The following SPRR2F variants were observed in gnomAD, a reference collection of about 807,000 sequenced individuals.
SPRR2F encodes the protein small proline-rich protein 2F.
In SPRR2F, 2 loss-of-function variants were observed where a neutral mutation model predicts 0.8. The ratio of observed to expected loss-of-function variants is 2.52; its 90% CI spans 1.03 to 7.95. The LOEUF (loss-of-function observed/expected upper bound fraction) is 7.95. Among genes scored for constraint, SPRR2F ranks in the 30% most tolerant of loss-of-function variants. SPRR2F has a pLI of 0.04. For synonymous variants in SPRR2F, 39 were observed against 33.4 expected (o/e 1.17, Z -0.58); for missense variants, 80 against 85.8 (o/e 0.93, Z 0.27).
chr1:153,112,428 C>A lies in SPRR2F; in HGVS notation c.*87G>T, dbSNP rs1655610751. On this transcript the variant is annotated 3_prime_UTR_variant, in exon 2 of 2. Transcript: ENST00000468739. ...AAGCTCCCTGTGTATCCCTGGATGGCTTTGATGAGAAGATGCAGGTGGAGC... is the reference window on the plus strand; with the variant it reads ...AAGCTCCCTGTGTATCCCTGGATGGATTTGATGAGAAGATGCAGGTGGAGC... 1 of 1,544,664 alleles carries A rather than the reference C, an allele frequency of 6.5e-7. No individual in the cohort carries two copies. Among genetic ancestry groups the A allele is most frequent in the East Asian group, 2.3e-5 (1 of 44,304 alleles).
At chr1:153,115,536 C>T (rs894098273), upstream of SPRR2F, among the ~76,000 whole-genome samples, 1 of 152,140 alleles carries the variant, frequency 6.6e-6, no homozygotes, top group Non-Finnish European at 1.5e-5. Flanking sequence ...CAGACAGGCT[C>T]ACTTTACAAG....
chr1:153,116,204 T>C (rs995335449), upstream of SPRR2F, among the ~76,000 whole-genome samples: 4 of 152,224 alleles, frequency 2.6e-5, no homozygotes, highest in African/African-American at 9.6e-5. Flanking sequence ...GACATTAATG[T>C]TGCAGAATTC....
chr1:153,112,647 G>A lies in SPRR2F; in HGVS notation c.87C>T (p.Pro29=), dbSNP rs1244674416. 6.2e-7 allele frequency: 1 copy of A among 1,612,396 alleles called. No individual in the cohort carries two copies. The highest frequency in any genetic ancestry group is 8.5e-7 in the Non-Finnish European group (1 of 1,179,830). ...GTGGGCAGGGCTCAGGGCACTTCGGGGGTGGACATGGCTCTGGGCACTTTG... is the reference window on the plus strand; with the variant it reads ...GTGGGCAGGGCTCAGGGCACTTCGGAGGTGGACATGGCTCTGGGCACTTTG... ...PAPKCPEPCP[P]PKCPEPCPPS... Residue 29 remains proline, a synonymous_variant, in exon 2 of 2, where the codon CCC becomes CCT. Transcript: ENST00000468739.
At chr1:153,113,707 G>C (rs959635655), upstream of SPRR2F, among the ~76,000 whole-genome samples, 1 of 152,148 alleles carries the variant, frequency 6.6e-6, no homozygotes, top group Non-Finnish European at 1.5e-5. Flanking sequence ...AAGTGCTCCT[G>C]ACTCACAGAG....
the SPRR2F span, among the ~76,000 whole-genome samples, chr1:153,119,327 C>T: frequency 6.6e-6 from 1 of 152,206 alleles, no homozygotes; most frequent in Non-Finnish European, 1.5e-5. Context: ...AAAGATCCAA[C>T]TCTATGCTAT....
At chr1:153,113,181 A>G (rs1655641392) in intron 1 of SPRR2F, among the ~76,000 whole-genome samples, 1 of 152,192 alleles carries the variant, frequency 6.6e-6, no homozygotes. Flanking sequence ...TACGACATAA[A>G]CCTTTGAAAA....
rs1264684263 is a variant in SPRR2F at position 153,112,371 on chromosome 1, CATCACAGGCCG to C, written c.*133_*143del. The C allele has an allele frequency of 1.4e-6, 2 of 1,425,094 alleles. No individual in the cohort carries two copies. Among genetic ancestry groups the C allele is most frequent in the African/African-American group, 2.9e-5 (2 of 69,624 alleles). The allele number at this position is 1,425,094 out of a possible 1,614,324, so 88.3% of individuals were successfully genotyped here. On this transcript the variant is annotated 3_prime_UTR_variant, in exon 2 of 2. Coordinates refer to ENST00000468739, the MANE Select transcript of SPRR2F (RefSeq NM_001014450.3). ...AAGAAAACCTTTTGCTATCAGAGAT[CATCACAGGCCG>C]ATCACAGGCTAAGAGGAAAGAAGCT... is the stretch of plus-strand genomic sequence containing the variant.
At chr1:153,114,386 C>G (rs1178751255), upstream of SPRR2F, among the ~76,000 whole-genome samples, 1 of 152,028 alleles carries the variant, frequency 6.6e-6, no homozygotes, top group African/African-American at 2.4e-5. Context: ...ATTAAGGAAA[C>G]GGAGAGACAT....
upstream of SPRR2F, among the ~76,000 whole-genome samples, chr1:153,116,800 G>C (rs990423977): frequency 5.3e-5 from 8 of 152,002 alleles, no homozygotes; most frequent in African/African-American, 1.9e-4. Context: ...TACTATCTGA[G>C]AGCCAGAAAG....
chr1:153,119,056 T>C, the SPRR2F span, among the ~76,000 whole-genome samples: 2,440 of 152,292 alleles, frequency 0.016, 68 homozygotes, highest in African/African-American at 0.056. Flanking sequence ...GGATGTTATA[T>C]ATAATCCCCA....
upstream of SPRR2F, among the ~76,000 whole-genome samples, chr1:153,116,214 C>T (rs915220098): frequency 1.9e-4 from 29 of 152,030 alleles, no homozygotes; most frequent in African/African-American, 7.0e-4. Flanking sequence ...TTGCAGAATT[C>T]TTAAGATCAT....
At chr1:153,118,784 C>A in the SPRR2F span, among the ~76,000 whole-genome samples, 1 of 152,094 alleles carries the variant, frequency 6.6e-6, no homozygotes, top group Admixed American at 6.6e-5. Flanking sequence ...ATATAAAGGT[C>A]TCTGGTAAAA....
upstream of SPRR2F, among the ~76,000 whole-genome samples, chr1:153,117,499 A>T (rs1309891989): frequency 1.3e-5 from 2 of 152,026 alleles, no homozygotes; most frequent in Non-Finnish European, 2.9e-5. Flanking sequence ...GACAATAAAA[A>T]ATTCTCTCAC....
rs1156426458 is a variant in SPRR2F, at chr1:153,113,476, G to A, written c.-22C>T. On this transcript the variant is annotated splice_region_variant and 5_prime_UTR_variant, in exon 1 of 2. Transcript: ENST00000468739. ...GGAACTCCAGGAAGCCGACTCACCA[G>A]GTTCTCCAAGGCAGATCGGTGCTTA... The A allele has an allele frequency of 6.5e-6, 1 of 152,724 alleles. No individual in the cohort carries two copies. The highest frequency in any genetic ancestry group is 2.4e-5 in the African/African-American group (1 of 41,438). 9.5% of individuals were successfully genotyped at this position (152,724 alleles called of 1,614,324 possible).
At position 153,112,561 on chromosome 1, in the gene SPRR2F, G is replaced by A. The variant is rs1210919781; in HGVS notation, c.173C>T (p.Thr58Ile). 6.2e-7 allele frequency: 1 copy of A among 1,613,092 alleles called. No homozygotes were observed. Among genetic ancestry groups the A allele is most frequent in the Non-Finnish European group, 8.5e-7 (1 of 1,179,858 alleles). Residue 58 changes from threonine (T) to isoleucine (I), a missense_variant, in exon 2 of 2, where the codon ACA (threonine) becomes ATA (isoleucine). Coordinates refer to ENST00000468739, the MANE Select transcript of SPRR2F (RefSeq NM_001014450.3). ...QQCQQKCPPV[T>I]PSPPCQPKCP... Reference sequence around the variant, plus strand: ...CTTTGGCTGGCAGGGTGGGGAAGGTGTCACAGGAGGACATTTCTGCTGGCA... The same window carrying A: ...CTTTGGCTGGCAGGGTGGGGAAGGTATCACAGGAGGACATTTCTGCTGGCA...
Position 153,112,199 on chromosome 1 carries a change from C to G in SPRR2F, c.*316G>C. On this transcript the variant is annotated 3_prime_UTR_variant, in exon 2 of 2. Coordinates refer to ENST00000468739, the MANE Select transcript of SPRR2F (RefSeq NM_001014450.3). ...GTGGTGGAAGCTCATGCCCAGGGGA[C>G]AGACAGACACAGAAAACATCAACAG... 2.3e-6 allele frequency: 1 copy of G among 428,868 alleles called. No homozygotes were observed. The highest frequency in any genetic ancestry group is 3.6e-5 in the East Asian group (1 of 27,704). 26.6% of individuals were successfully genotyped at this position (428,868 alleles called of 1,614,324 possible).
chr1:153,112,675 G>C lies in SPRR2F; in HGVS notation c.59C>G (p.Ala20Gly), dbSNP rs115474664. The C allele has an allele frequency of 6.2e-7, 1 of 1,612,206 alleles. No individual in the cohort carries two copies. The highest frequency in any genetic ancestry group is 2.2e-5 in the East Asian group (1 of 44,880). The change falls in exon 2 of 2, where the codon GCG becomes GGG. Residue 20 changes from alanine (A) to glycine (G), a missense_variant. Ala to Gly is a moderately conservative substitution (Grantham distance 60, BLOSUM62 0). Transcript: ENST00000468739. ...QPCQPPPVCPAPKCPEPCPPP... is the reference protein window; with the variant it reads ...QPCQPPPVCPGPKCPEPCPPP... ...TGGACATGGCTCTGGGCACTTTGGC[G>C]CGGGGCACACAGGAGGTGGCTGGCA...
intron 1 of SPRR2F, 138 bp from the exon 2 acceptor site, chr1:153,112,890 C>A: frequency 5.1e-6 from 7 of 1,377,004 alleles, no homozygotes; most frequent in Non-Finnish European, 6.7e-6. Context: ...TTTCAAGAGT[C>A]CCTGGCTTCT....
chr1:153,114,003 TTTTTTTTTTTTTTTTTTTTG>T (rs1655663975), upstream of SPRR2F, among the ~76,000 whole-genome samples: 2 of 95,376 alleles, frequency 2.1e-5, no homozygotes, highest in Non-Finnish European at 4.5e-5. Flanking sequence ...TTTTTTTTTT[TTTTTTTTTTTTTTTTTTTTG>T]TTGCTAAGTT....
Sources: allele counts gnomAD v4.1 joint callset (sites outside exome capture counted in the v4.1 genomes callset), GRCh38; gene constraint gnomAD v4.1.1; transcripts MANE v1.5; gene names NCBI Gene and HGNC (gene_info 2026-07-23, HGNC 2026-07-21).